The following MECOM variants were observed in gnomAD, a reference collection of about 807,000 sequenced individuals.
MECOM encodes MDS1 and EVI1 complex locus.
MECOM carries 13 observed loss-of-function variants against 116.3 expected under a neutral mutation model. The observed-to-expected ratio is 0.11, with a 90% CI of 0.07 to 0.18. The LOEUF (loss-of-function observed/expected upper bound fraction) is 0.18. MECOM is among the 10% of genes least tolerant of loss of function. The pLI is 1.00. For synonymous variants in MECOM, 528 were observed against 535.2 expected (o/e 0.99, Z 0.19); for missense variants, 1,299 against 1,509.0 (o/e 0.86, Z 2.31).
intron 1 of MECOM, among the ~76,000 whole-genome samples, chr3:169,457,287 A>AT (rs1746695024): frequency 6.6e-6 from 1 of 152,062 alleles, no homozygotes; most frequent in Non-Finnish European, 1.5e-5. Context: ...ACCCTAGATG[A>AT]TTTTTTTCTT....
intron 1 of MECOM, chr3:169,477,099 GTGTGTGTATATATATATA>G (rs1466329438): frequency 2.2e-5 from 1 of 46,256 alleles, no homozygotes; most frequent in African/African-American, 1.1e-4. Flanking sequence ...GTGTGTGTGT[GTGTGTGTATATATATATA>G]TATATATATA....
intron 2 of MECOM, among the ~76,000 whole-genome samples, chr3:169,173,907 T>C (rs1199812110): frequency 6.6e-6 from 1 of 152,214 alleles, no homozygotes; most frequent in Non-Finnish European, 1.5e-5. Flanking sequence ...CTCTGTTACT[T>C]TCTATGTAAT....
Position 169,598,594 on chromosome 3 carries a change from A to G in MECOM, c.37+64742T>C, listed in dbSNP as rs16854151. On this transcript the variant is annotated intron_variant, in intron 1 of 16. Coordinates refer to ENST00000651503, the MANE Select transcript of MECOM (RefSeq NM_004991.4). ...AGACAGAAGCCTGGTTTTCAATTCT[A>G]CCGCCACCTTGAACTAGCCATGGGA... Among the ~76,000 whole-genome samples the G allele has an allele frequency of 0.016, 2,372 of 152,302 alleles. 219 individuals carry two copies. The East Asian group carries it at 0.28, about 18-fold the overall frequency.
intron 2 of MECOM, among the ~76,000 whole-genome samples, chr3:169,215,247 T>C (rs1172447118): frequency 6.8e-6 from 1 of 146,330 alleles, no homozygotes; most frequent in African/African-American, 2.5e-5. Context: ...CTTTCCTTTT[T>C]TTTTTTTTTT....
In MECOM at chr3:169,164,099, T is replaced by C. The variant is rs542429705; in HGVS notation, c.376-20267A>G. Among the ~76,000 whole-genome samples, 21 of 152,264 alleles carry C rather than the reference T, an allele frequency of 1.4e-4. No individual in the cohort carries two copies. In the South Asian group the frequency reaches 4.2e-3, roughly 30 times the overall value. On this transcript the variant is annotated intron_variant, in intron 2 of 16. Transcript: ENST00000651503. ...TTGATTAAATATATTTAAATTATAG[T>C]TGATATGGTTTGGCTCTGTGTCCCC...
chr3:169,379,160 G>GAA (rs546780284), intron 2 of MECOM, among the ~76,000 whole-genome samples: 1 of 131,148 alleles, frequency 7.6e-6, no homozygotes, highest in African/African-American at 2.8e-5. Flanking sequence ...GATTAAAAGA[G>GAA]AAAAAAAAAA....
At chr3:169,148,963 C>T (rs1444279570) in intron 2 of MECOM, among the ~76,000 whole-genome samples, 1 of 151,920 alleles carries the variant, frequency 6.6e-6, no homozygotes, top group Non-Finnish European at 1.5e-5. Flanking sequence ...TGTAAATAAC[C>T]TAAAACCCGG....
Position 169,443,393 on chromosome 3 carries a change from C to A in MECOM, c.38-61869G>T, listed in dbSNP as rs1265690065. On this transcript the variant is annotated intron_variant, in intron 1 of 16. Coordinates refer to ENST00000651503, the MANE Select transcript of MECOM (RefSeq NM_004991.4). ...GGAAGGGAAGGGGGAAGAAATGTAG[C>A]CCCAATCTACCCCCAGACCTATTGT... Among the ~76,000 whole-genome samples, 3 of 152,140 alleles carry A rather than the reference C, an allele frequency of 2.0e-5. No individual in the cohort carries two copies. The East Asian group carries it at 5.8e-4, about 29-fold the overall frequency.
chr3:169,189,336 A>G (rs1747209061), intron 2 of MECOM, among the ~76,000 whole-genome samples: 1 of 151,930 alleles, frequency 6.6e-6, no homozygotes, highest in African/African-American at 2.4e-5. Flanking sequence ...TCCCTACAGC[A>G]GTATCAATAC....
At chr3:169,125,682 A>G (rs1019740065) in intron 5 of MECOM, among the ~76,000 whole-genome samples, 1 of 152,180 alleles carries the variant, frequency 6.6e-6, no homozygotes, top group African/African-American at 2.4e-5. Flanking sequence ...CATTGCTTTC[A>G]TAAACATAGA....
chr3:169,600,537 G>C (rs893752984), intron 1 of MECOM, among the ~76,000 whole-genome samples: 5 of 152,024 alleles, frequency 3.3e-5, no homozygotes, highest in Non-Finnish European at 1.5e-5. Context: ...GTTACCCAGG[G>C]GCCATGATTA....
chr3:169,620,080 A>G (rs1770528870), intron 1 of MECOM, among the ~76,000 whole-genome samples: 1 of 152,202 alleles, frequency 6.6e-6, no homozygotes, highest in Non-Finnish European at 1.5e-5. Context: ...AAGCAATGGG[A>G]CTTCCTGAAG....
intron 12 of MECOM, among the ~76,000 whole-genome samples, chr3:169,097,379 A>G (rs1420461): frequency 0.95 from 144,080 of 152,188 alleles, 68,303 homozygotes; most frequent in East Asian, 0.99. Context: ...ACTTCCTTCT[A>G]CACAATTCCA....
intron 3 of MECOM, among the ~76,000 whole-genome samples, chr3:169,141,033 T>A (rs1737949995): frequency 1.3e-5 from 2 of 152,082 alleles, no homozygotes; most frequent in Non-Finnish European, 2.9e-5. Flanking sequence ...TAAAAACTGA[T>A]CTGAATTGAT....
At chr3:169,217,726 G>A (rs77791309) in intron 2 of MECOM, among the ~76,000 whole-genome samples, 2 of 152,004 alleles carry the variant, frequency 1.3e-5, no homozygotes, top group African/African-American at 4.8e-5. Flanking sequence ...GGAGATTGCA[G>A]TGAGCTGAGA....
intron 2 of MECOM, among the ~76,000 whole-genome samples, chr3:169,366,104 T>C (rs1729119068): frequency 6.6e-6 from 1 of 151,932 alleles, no homozygotes; most frequent in African/African-American, 2.4e-5. Context: ...GTAGCTAATC[T>C]CTCCCCACCC....
intron 9 of MECOM, 54 bp from the exon 10 acceptor site, chr3:169,108,006 A>G: frequency 7.0e-7 from 1 of 1,438,824 alleles, no homozygotes. Context: ...TGGTATCTTT[A>G]TTGCAATCTA....
At chr3:169,588,650 G>T (rs1196864937) in intron 1 of MECOM, among the ~76,000 whole-genome samples, 2 of 152,072 alleles carry the variant, frequency 1.3e-5, no homozygotes, top group Non-Finnish European at 2.9e-5. Flanking sequence ...AAGTCATACT[G>T]ATGTCTACGT....
At chr3:169,144,773 T>C (rs889337610) in intron 2 of MECOM, among the ~76,000 whole-genome samples, 1 of 152,140 alleles carries the variant, frequency 6.6e-6, no homozygotes, top group Non-Finnish European at 1.5e-5. Flanking sequence ...CTACAAAGGA[T>C]GGTAATGTTA....
Sources: allele counts gnomAD v4.1 joint callset (sites outside exome capture counted in the v4.1 genomes callset), GRCh38; gene constraint gnomAD v4.1.1; transcripts MANE v1.5; gene names NCBI Gene and HGNC (gene_info 2026-07-23, HGNC 2026-07-21).